Variants in ALLC observed in about 807,000 individuals in gnomAD.
The protein encoded by ALLC is probable inactive allantoicase.
In ALLC, 40 loss-of-function variants were observed where a neutral mutation model predicts 45.0. That is an observed-to-expected ratio of 0.89 (90% CI 0.69 to 1.16). The LOEUF (loss-of-function observed/expected upper bound fraction) is 1.16. Among genes scored for constraint, ALLC ranks in the 50% most tolerant of loss-of-function variants. The pLI, the probability that ALLC is intolerant of heterozygous loss-of-function variation, is 0.00. For missense variants in ALLC, 488 were observed against 493.1 expected, an observed-to-expected ratio of 0.99 and a Z score of 0.10; for synonymous variants, 176 against 178.1, an observed-to-expected ratio of 0.99 and a Z score of 0.09.
chr2:3,676,768 C>G (rs1457734589), intron 3 of ALLC, among the ~76,000 whole-genome samples: 1 of 151,616 alleles, frequency 6.6e-6, no homozygotes, highest in African/African-American at 2.4e-5. Context: ...ATCCCTGGGA[C>G]CAGTCCTTGG....
chr2:3,691,344 C>T (rs550881940), intron 7 of ALLC, among the ~76,000 whole-genome samples: 9 of 152,076 alleles, frequency 5.9e-5, no homozygotes, highest in African/African-American at 2.2e-4. Flanking sequence ...CTTCAACCTC[C>T]TTTGGCTCAG....
chr2:3,699,540 A>C (rs906520819), intron 10 of ALLC, among the ~76,000 whole-genome samples: 1 of 152,318 alleles, frequency 6.6e-6, no homozygotes, highest in South Asian at 2.1e-4. Context: ...GCCGAGTCCA[A>C]TGGTAATTCT....
At chr2:3,678,587 G>A in intron 4 of ALLC, 32 bp downstream of exon 4, 1 of 1,578,318 alleles carries the variant, frequency 6.3e-7, no homozygotes, top group South Asian at 1.1e-5. Flanking sequence ...TCGAAGTGCA[G>A]CTGACACTGC....
chr2:3,698,843 T>C (rs1258045749), intron 10 of ALLC, among the ~76,000 whole-genome samples: 1 of 152,118 alleles, frequency 6.6e-6, no homozygotes, highest in Non-Finnish European at 1.5e-5. Context: ...ACATGTGCCA[T>C]GTTGGTGTGC....
chr2:3,675,724 T>G (rs1302867442), intron 3 of ALLC, among the ~76,000 whole-genome samples: 1 of 152,244 alleles, frequency 6.6e-6, no homozygotes, highest in Non-Finnish European at 1.5e-5. Flanking sequence ...AATGTAAAGT[T>G]CACCGTTCAC....
At chr2:3,666,634 G>A (rs1666732105) in intron 1 of ALLC, among the ~76,000 whole-genome samples, 1 of 152,238 alleles carries the variant, frequency 6.6e-6, no homozygotes, top group South Asian at 2.1e-4. Flanking sequence ...CAGCAAACAG[G>A]GCAGCGCGCA....
chr2:3,682,514 A>G (rs1558542059), intron 6 of ALLC, among the ~76,000 whole-genome samples: 1 of 152,066 alleles, frequency 6.6e-6, no homozygotes, highest in African/African-American at 2.4e-5. Context: ...GGTATCCATC[A>G]TTATTTATTT....
intron 7 of ALLC, chr2:3,688,008 T>G (rs1667375819): frequency 6.5e-6 from 1 of 152,774 alleles, no homozygotes; most frequent in Non-Finnish European, 1.5e-5. Flanking sequence ...GGAGGCCATG[T>G]GGACCATGAG....
At chr2:3,699,233 C>T (rs142420407) in intron 10 of ALLC, among the ~76,000 whole-genome samples, 2 of 152,248 alleles carry the variant, frequency 1.3e-5, no homozygotes, top group Non-Finnish European at 2.9e-5. Context: ...TATTTAGCTG[C>T]CACTTATGTA....
chr2:3,664,308 A>G (rs1184742153), intron 1 of ALLC, among the ~76,000 whole-genome samples: 1 of 152,216 alleles, frequency 6.6e-6, no homozygotes, highest in Non-Finnish European at 1.5e-5. Flanking sequence ...GTAGGATTTT[A>G]CAAGGGTCTG....
At chr2:3,670,939 T>C (rs981852493) in intron 1 of ALLC, among the ~76,000 whole-genome samples, 157 bp from the exon 2 acceptor site, 2 of 151,966 alleles carry the variant, frequency 1.3e-5, no homozygotes, top group African/African-American at 4.8e-5. Context: ...TTCAACCTCA[T>C]TGAGCAGAGG....
In ALLC at chr2:3,679,944, C is replaced by T. The variant is rs755429246; in HGVS notation, c.248C>T (p.Thr83Met). 41 of 1,613,826 alleles carry T rather than the reference C, an allele frequency of 2.5e-5. No homozygotes were observed. The highest frequency in any genetic ancestry group is 1.6e-4 in the Middle Eastern group (1 of 6,084). The change falls in exon 5 of 12, where the codon ACG becomes ATG. Residue 83 changes from threonine (T) to methionine (M), a missense_variant. Physicochemically the swap from Thr to Met is moderately conservative, Grantham distance 81. Coordinates refer to ENST00000252505, the MANE Select transcript of ALLC (RefSeq NM_018436.4). ...TTCGACGTGGACGTTTCTTACTTCACGGGAGATTACGCTCCTCGAGTGTCC... is the reference window on the plus strand; with the variant it reads ...TTCGACGTGGACGTTTCTTACTTCATGGGAGATTACGCTCCTCGAGTGTCC... ...RGFDVDVSYFTGDYAPRVSIQ... is the reference protein window; with the variant it reads ...RGFDVDVSYFMGDYAPRVSIQ...
At chr2:3,700,330 A>G (rs115388769) in intron 10 of ALLC, among the ~76,000 whole-genome samples, 2,249 of 152,174 alleles carry the variant, frequency 0.015, 53 homozygotes, top group African/African-American at 0.051. Context: ...TTACTTTTCA[A>G]TGTGGCTGAC....
chr2:3,659,891 A>C (rs865804316), intron 1 of ALLC, among the ~76,000 whole-genome samples: 3 of 152,226 alleles, frequency 2.0e-5, no homozygotes, highest in Non-Finnish European at 4.4e-5. Context: ...GCCCTTTCAC[A>C]GCAGACACTG....
At chr2:3,669,522 C>T (rs1666811142) in intron 1 of ALLC, among the ~76,000 whole-genome samples, 1 of 151,772 alleles carries the variant, frequency 6.6e-6, no homozygotes, top group Admixed American at 6.6e-5. Context: ...GTGGCAGGCA[C>T]CTGTAATCCC....
chr2:3,689,010 C>T (rs1029699916), intron 7 of ALLC: 1 of 151,464 alleles, frequency 6.6e-6, no homozygotes, highest in African/African-American at 2.4e-5. Context: ...ACCCAGCTGG[C>T]ACTGCATAAA....
intron 2 of ALLC, among the ~76,000 whole-genome samples, chr2:3,673,200 T>C (rs1220693650): frequency 2.0e-5 from 3 of 152,212 alleles, no homozygotes; most frequent in African/African-American, 7.2e-5. Flanking sequence ...TCCAGGTGGC[T>C]CAGTGTTTCA....
intron 1 of ALLC, among the ~76,000 whole-genome samples, chr2:3,670,650 T>C (rs969447578): frequency 6.6e-6 from 1 of 152,202 alleles, no homozygotes; most frequent in Admixed American, 6.5e-5. Flanking sequence ...GGGGGTGTTC[T>C]TGTGGGCGGG....
chr2:3,655,707 G>A (rs1187952673), upstream of ALLC, among the ~76,000 whole-genome samples: 6 of 152,190 alleles, frequency 3.9e-5, no homozygotes, highest in Non-Finnish European at 7.3e-5. Flanking sequence ...GGATCCTCCC[G>A]TCTCAGCCTC....
Sources: allele counts gnomAD v4.1 joint callset (sites outside exome capture counted in the v4.1 genomes callset), GRCh38; gene constraint gnomAD v4.1.1; transcripts MANE v1.5; gene names NCBI Gene and HGNC (gene_info 2026-07-23, HGNC 2026-07-21).